KIF21A: variants seen among roughly 807,000 people sequenced by gnomAD.
KIF21A encodes kinesin family member 21A.
KIF21A carries 114 observed loss-of-function variants against 202.9 expected under a neutral mutation model. That is an observed-to-expected ratio of 0.56 (90% CI 0.48 to 0.66). KIF21A has a LOEUF of 0.66. Among genes scored for constraint, KIF21A ranks in the 30% least tolerant of loss-of-function variants. KIF21A has a pLI of 0.00. For synonymous variants in KIF21A, 667 were observed against 670.8 expected (o/e 0.99, Z 0.09); for missense variants, 1,677 against 1,994.9 (o/e 0.84, Z 3.04).
At chr12:39,314,710 T>C (rs1408856478) in intron 31 of KIF21A, among the ~76,000 whole-genome samples, 1 of 151,858 alleles carries the variant, frequency 6.6e-6, no homozygotes, top group African/African-American at 2.4e-5. Flanking sequence ...TATTAAATGT[T>C]TCCCTGATGA....
intron 1 of KIF21A, among the ~76,000 whole-genome samples, chr12:39,420,047 C>T (rs1182291718): frequency 7.4e-6 from 1 of 135,374 alleles, no homozygotes; most frequent in Non-Finnish European, 1.5e-5. Flanking sequence ...AACTGCTTCT[C>T]ACCTGGAAAA....
intron 1 of KIF21A, among the ~76,000 whole-genome samples, chr12:39,401,010 A>T (rs781543843): frequency 1.3e-5 from 2 of 152,214 alleles, no homozygotes; most frequent in Non-Finnish European, 2.9e-5. Flanking sequence ...AATCCAAGAG[A>T]ATAAATATTG....
At chr12:39,404,127 G>A (rs567978971) in intron 1 of KIF21A, among the ~76,000 whole-genome samples, 17 of 152,104 alleles carry the variant, frequency 1.1e-4, no homozygotes, top group Non-Finnish European at 2.2e-4. Context: ...CCAGGCTAGA[G>A]TGCAGTGGCT....
intron 1 of KIF21A, among the ~76,000 whole-genome samples, chr12:39,424,776 T>G (rs1954613615): frequency 6.6e-6 from 1 of 152,180 alleles, no homozygotes; most frequent in South Asian, 2.1e-4. Context: ...TAATAACTGC[T>G]TTCTCACTCA....
At chr12:39,298,025 C>A (rs2137047936) in intron 37 of KIF21A, among the ~76,000 whole-genome samples, 1 of 151,332 alleles carries the variant, frequency 6.6e-6, no homozygotes, top group Middle Eastern at 3.4e-3. Flanking sequence ...GTAACTCACA[C>A]CAGGTTAACC....
chr12:39,332,187 C>G (rs1265276500), intron 21 of KIF21A, 27 bp downstream of exon 21: 2 of 1,598,008 alleles, frequency 1.3e-6, no homozygotes, highest in Non-Finnish European at 1.7e-6. Context: ...TTCATTAAAC[C>G]ATTACGCTTT....
chr12:39,422,681 T>C (rs1328560673), intron 1 of KIF21A, among the ~76,000 whole-genome samples: 1 of 152,236 alleles, frequency 6.6e-6, no homozygotes. Context: ...AGTTGTTCTT[T>C]GGTCTGAAAT....
At chr12:39,302,117 T>C (rs1025189526) in intron 36 of KIF21A, among the ~76,000 whole-genome samples, 3 of 152,194 alleles carry the variant, frequency 2.0e-5, no homozygotes, top group Non-Finnish European at 4.4e-5. Flanking sequence ...TGAAGATTTA[T>C]GCAGAAGACC....
chr12:39,320,536 A>C (rs1411519127), intron 27 of KIF21A, among the ~76,000 whole-genome samples: 1 of 152,116 alleles, frequency 6.6e-6, no homozygotes, highest in Non-Finnish European at 1.5e-5. Context: ...TTAGTAATAA[A>C]AGTATTCTGG....
chr12:39,372,977 AT>A (rs761470558), intron 1 of KIF21A, among the ~76,000 whole-genome samples: 6 of 152,054 alleles, frequency 3.9e-5, no homozygotes, highest in Non-Finnish European at 8.8e-5. Context: ...CCACCAAGTT[AT>A]TTCCTCCCCC....
intron 1 of KIF21A, among the ~76,000 whole-genome samples, chr12:39,405,822 T>A (rs925666740): frequency 1.3e-5 from 2 of 152,142 alleles, no homozygotes; most frequent in African/African-American, 4.8e-5. Flanking sequence ...AAGTTGATCA[T>A]TCTTAACTAG....
intron 36 of KIF21A, among the ~76,000 whole-genome samples, chr12:39,302,511 C>A (rs1051557538): frequency 6.6e-6 from 1 of 152,194 alleles, no homozygotes; most frequent in Admixed American, 6.5e-5. Context: ...TTCAACCCAA[C>A]TATCATTTTG....
intron 1 of KIF21A, among the ~76,000 whole-genome samples, chr12:39,433,109 A>G (rs1938183470): frequency 6.6e-6 from 1 of 152,124 alleles, no homozygotes; most frequent in South Asian, 2.1e-4. Flanking sequence ...TTTCCTGATA[A>G]TTTTTCTAAT....
chr12:39,342,296 CCAAT>C (rs1388197302), intron 12 of KIF21A, among the ~76,000 whole-genome samples, 172 bp from the exon 13 acceptor site: 4 of 152,064 alleles, frequency 2.6e-5, no homozygotes, highest in African/African-American at 9.7e-5. Flanking sequence ...ATGGAAATTG[CCAAT>C]CAATCAACAG....
chr12:39,408,187 T>G (rs1186725811), intron 1 of KIF21A, among the ~76,000 whole-genome samples: 1 of 151,900 alleles, frequency 6.6e-6, no homozygotes, highest in Non-Finnish European at 1.5e-5. Flanking sequence ...CCAGGGATGG[T>G]CGGGGGGTTG....
intron 1 of KIF21A, among the ~76,000 whole-genome samples, chr12:39,384,283 A>G (rs1256068334): frequency 6.6e-6 from 1 of 152,218 alleles, no homozygotes; most frequent in Non-Finnish European, 1.5e-5. Flanking sequence ...CTGTCTTAAC[A>G]TTATCTGTAA....
At position 39,336,307 on chromosome 12, in the gene KIF21A, A is replaced by T. The variant is rs147511854; in HGVS notation, c.2418+789T>A. Among the ~76,000 whole-genome samples the T allele has an allele frequency of 1.4e-3, 215 of 152,334 alleles. 2 individuals carry two copies. The highest frequency in any genetic ancestry group is 5.0e-3 in the African/African-American group (207 of 41,584). On this transcript the variant is annotated intron_variant, in intron 17 of 37. Coordinates refer to ENST00000361418, the MANE Select transcript of KIF21A (RefSeq NM_001173464.2). ...CATTGCCAAAATTTTGGAAAGAAGA[A>T]GAAAAATAATCAACCATAACTTATA...
intron 1 of KIF21A, among the ~76,000 whole-genome samples, chr12:39,394,064 C>A (rs1341043536): frequency 6.6e-6 from 1 of 152,228 alleles, no homozygotes; most frequent in Non-Finnish European, 1.5e-5. Context: ...CTAAACCAAT[C>A]TGCAGGAAAT....
intron 1 of KIF21A, among the ~76,000 whole-genome samples, chr12:39,402,135 G>T (rs894012921): frequency 8.5e-5 from 13 of 152,312 alleles, no homozygotes; most frequent in African/African-American, 3.1e-4. Flanking sequence ...GATAAAAAGG[G>T]TGACCGTGCC....
Sources: gnomAD v4.1 joint callset for allele counts (sites outside exome capture counted in the v4.1 genomes callset) on GRCh38, gnomAD v4.1.1 for gene constraint, MANE v1.5 for transcripts, NCBI Gene and HGNC (gene_info 2026-07-23, HGNC 2026-07-21) for gene names.